The following PIK3C2G variants were observed in gnomAD, a reference collection of about 807,000 sequenced individuals.
The protein encoded by PIK3C2G is phosphatidylinositol 3-kinase C2 domain-containing subunit gamma.
In PIK3C2G, 168 loss-of-function variants were observed where a neutral mutation model predicts 181.1. The observed-to-expected ratio is 0.93, with a 90% CI of 0.82 to 1.05. PIK3C2G has a LOEUF of 1.05. Ranked by LOEUF, PIK3C2G falls within the 50% of genes least tolerant of loss-of-function variation. The pLI, the probability that PIK3C2G is intolerant of heterozygous loss-of-function variation, is 0.00. For synonymous variants in PIK3C2G, 573 were observed against 592.2 expected, an observed-to-expected ratio of 0.97 and a Z score of 0.47; for missense variants, 1,869 against 1,732.8, an observed-to-expected ratio of 1.08 and a Z score of -1.40.
At chr12:18,612,428 AG>A (rs1231226460) in intron 31 of PIK3C2G, among the ~76,000 whole-genome samples, 2 of 152,088 alleles carry the variant, frequency 1.3e-5, no homozygotes, top group Non-Finnish European at 2.9e-5. Context: ...TGTATAGAAT[AG>A]GGCCAAGTAT....
chr12:18,502,812 A>G (rs1941581645), intron 22 of PIK3C2G, among the ~76,000 whole-genome samples: 1 of 152,234 alleles, frequency 6.6e-6, no homozygotes, highest in Non-Finnish European at 1.5e-5. Context: ...CCGCAAATGT[A>G]ACATTTAACT....
the PIK3C2G span, chr12:18,683,065 A>C: frequency 1.5e-5 from 10 of 647,770 alleles, no homozygotes; most frequent in East Asian, 2.8e-4. Flanking sequence ...TGAAGTTTCT[A>C]TTTTCTTTTC....
At chr12:18,341,574 A>G (rs1156312679) in intron 9 of PIK3C2G, among the ~76,000 whole-genome samples, 1 of 152,162 alleles carries the variant, frequency 6.6e-6, no homozygotes, top group Non-Finnish European at 1.5e-5. Context: ...TTTTGAGCAG[A>G]CTGCTGAAAG....
chr12:18,571,471 T>A (rs1168132714), intron 29 of PIK3C2G, among the ~76,000 whole-genome samples: 1 of 150,908 alleles, frequency 6.6e-6, no homozygotes, highest in African/African-American at 2.5e-5. Flanking sequence ...TATTTATACA[T>A]CTAACTACTT....
At chr12:18,577,489 G>A (rs1033824841) in intron 29 of PIK3C2G, among the ~76,000 whole-genome samples, 1 of 152,124 alleles carries the variant, frequency 6.6e-6, no homozygotes, top group African/African-American at 2.4e-5. Context: ...AGAAATTCCA[G>A]GCACTACATT....
chr12:18,498,677 C>T (rs1465410193), intron 22 of PIK3C2G, among the ~76,000 whole-genome samples: 1 of 151,964 alleles, frequency 6.6e-6, no homozygotes. Flanking sequence ...GCTCAATACC[C>T]CAGTCAACAG....
chr12:18,456,527 G>A (rs145748043), intron 18 of PIK3C2G, among the ~76,000 whole-genome samples: 5 of 152,240 alleles, frequency 3.3e-5, no homozygotes, highest in East Asian at 1.9e-4. Context: ...CAGGTGTGTC[G>A]TTTACATAGT....
At chr12:18,544,456 T>C (rs977806371) in intron 25 of PIK3C2G, among the ~76,000 whole-genome samples, 11 of 151,796 alleles carry the variant, frequency 7.2e-5, no homozygotes, top group African/African-American at 2.7e-4. Flanking sequence ...AGATAAAAGT[T>C]ATTCAAGATA....
chr12:18,579,009 A>G (rs1592632195), intron 29 of PIK3C2G, among the ~76,000 whole-genome samples: 1 of 152,120 alleles, frequency 6.6e-6, no homozygotes, highest in East Asian at 1.9e-4. Context: ...ACGCTTCTAC[A>G]CTAAAACACA....
At chr12:18,567,118 G>A (rs539766974) in intron 29 of PIK3C2G, 61 bp downstream of exon 29, 9 of 820,886 alleles carry the variant, frequency 1.1e-5, no homozygotes, top group Admixed American at 4.3e-5. Context: ...TATTTTATTC[G>A]TGAGTGTGGT....
chr12:18,688,070 AG>A, the PIK3C2G span: 1 of 1,609,206 alleles, frequency 6.2e-7, no homozygotes. Flanking sequence ...AAATTCAATA[AG>A]GTATATCAGG....
rs61320852 is a variant in PIK3C2G at position 18,343,466 on chromosome 12, A to AACACACAC, written c.1429+125_1429+132dup. The stretch of plus-strand genomic sequence containing the variant: ...TTATGCAAATACTGTGGTAACACAC[A>AACACACAC]ACACACACACACACACACACACACA... On this transcript the variant is annotated intron_variant, in intron 10 of 32. Transcript: ENST00000538779. 37 of 495,506 alleles carry AACACACAC rather than the reference A, an allele frequency of 7.5e-5. 1 individual carries two copies. The highest frequency in any genetic ancestry group is 5.8e-4 in the African/African-American group (28 of 48,648). 30.7% of individuals were successfully genotyped at this position (495,506 alleles called of 1,614,324 possible).
At chr12:18,487,096 T>TTTTTTGTGTG (rs71440368) in intron 18 of PIK3C2G, among the ~76,000 whole-genome samples, 1 of 142,106 alleles carries the variant, frequency 7.0e-6, no homozygotes, top group Non-Finnish European at 1.5e-5. Flanking sequence ...TTGAGGTATT[T>TTTTTTGTGTG]TGTGTGTGTG....
At chr12:18,264,637 T>A (rs1290520335) in intron 1 of PIK3C2G, among the ~76,000 whole-genome samples, 1 of 152,114 alleles carries the variant, frequency 6.6e-6, no homozygotes, top group Non-Finnish European at 1.5e-5. Flanking sequence ...GTATTGTGCA[T>A]CTTTGAATAG....
At position 18,427,799 on chromosome 12, in the gene PIK3C2G, C is replaced by T. The variant is rs557459423; in HGVS notation, c.2504+3760C>T. Among the ~76,000 whole-genome samples, 6 of 151,676 alleles carry T rather than the reference C, an allele frequency of 4.0e-5. No homozygotes were observed. The East Asian group carries it at 1.2e-3, about 29-fold the overall frequency. On this transcript the variant is annotated intron_variant, in intron 18 of 32. Transcript: ENST00000538779. ...ATCCTTTCGAAAAAAAAAATCAAGC[C>T]CATTTTTCCTTTCAGTGATTCAAGG...
intron 18 of PIK3C2G, among the ~76,000 whole-genome samples, chr12:18,461,101 T>C (rs1947897736): frequency 6.6e-6 from 1 of 152,126 alleles, no homozygotes; most frequent in African/African-American, 2.4e-5. Context: ...ATCTGCGTGG[T>C]ATTTTATATA....
At chr12:18,650,698 GTGTGTGTATATATCTATATATATA>G (rs1950435805), downstream of PIK3C2G, among the ~76,000 whole-genome samples, 64 of 29,110 alleles carry the variant, frequency 2.2e-3, 1 homozygote, top group South Asian at 5.5e-3. Flanking sequence ...GTGTGTGTGT[GTGTGTGTATATATCTATATATATA>G]TATATATATA....
chr12:18,692,904 C>G, the PIK3C2G span: 8 of 1,598,382 alleles, frequency 5.0e-6, no homozygotes, highest in East Asian at 1.6e-4. Context: ...AACAAAGGGA[C>G]CAGATGCTGC....
intron 18 of PIK3C2G, among the ~76,000 whole-genome samples, chr12:18,473,274 T>C (rs56134646): frequency 0.16 from 24,272 of 152,206 alleles, 2,235 homozygotes; most frequent in African/African-American, 0.25. Context: ...ATTATGTTTG[T>C]AGGTTTGTTT....
Sources: gnomAD v4.1 joint callset for allele counts (sites outside exome capture counted in the v4.1 genomes callset) on GRCh38, gnomAD v4.1.1 for gene constraint, MANE v1.5 for transcripts, NCBI Gene and HGNC (gene_info 2026-07-23, HGNC 2026-07-21) for gene names.